UBE2E2: variants seen among roughly 807,000 people sequenced by gnomAD.
UBE2E2 encodes the protein ubiquitin conjugating enzyme E2 E2, also known as ubiquitin-conjugating enzyme E2 E2.
In UBE2E2, 6 loss-of-function variants were observed where a neutral mutation model predicts 24.7. The observed-to-expected ratio is 0.24, with a 90% CI of 0.13 to 0.48. The LOEUF is 0.48. Ranked by LOEUF, UBE2E2 falls within the 20% of genes least tolerant of loss-of-function variation. UBE2E2 has a pLI of 0.99. For synonymous variants in UBE2E2, 104 were observed against 83.6 expected, an observed-to-expected ratio of 1.24 and a Z score of -1.33; for missense variants, 169 against 245.0, an observed-to-expected ratio of 0.69 and a Z score of 2.07.
intron 3 of UBE2E2, among the ~76,000 whole-genome samples, chr3:23,469,633 G>A (rs186494757): frequency 9.9e-5 from 15 of 152,268 alleles, no homozygotes; most frequent in African/African-American, 1.9e-4. Context: ...CAAGTTGACC[G>A]ACAGTTCACT....
Position 23,300,149 on chromosome 3 carries a change from C to T in UBE2E2, c.227+82837C>T, listed in dbSNP as rs531554547. ...TCCATTTGCTTGGTAGATCTTCCTC[C>T]ATCCCTTTGTTTTGAGCCTATGTGT... On this transcript the variant is annotated intron_variant, in intron 3 of 5. Transcript: ENST00000396703. Among the ~76,000 whole-genome samples the T allele has an allele frequency of 4.0e-4, 61 of 152,296 alleles. 2 individuals are homozygous for T. In the South Asian group the frequency reaches 0.012, roughly 31 times the overall value.
intron 3 of UBE2E2, among the ~76,000 whole-genome samples, chr3:23,465,146 C>G (rs1170313384): frequency 6.6e-6 from 1 of 152,140 alleles, no homozygotes; most frequent in East Asian, 1.9e-4. Flanking sequence ...TTCTACATGT[C>G]ATATCATTTA....
intron 3 of UBE2E2, among the ~76,000 whole-genome samples, chr3:23,463,495 A>G (rs1698855935): frequency 6.6e-6 from 1 of 151,984 alleles, no homozygotes; most frequent in Non-Finnish European, 1.5e-5. Flanking sequence ...GAGTAGTCAT[A>G]ACCATTACCC....
chr3:23,380,378 G>A (rs944673969), intron 3 of UBE2E2, among the ~76,000 whole-genome samples: 5 of 152,086 alleles, frequency 3.3e-5, no homozygotes, highest in Non-Finnish European at 7.4e-5. Flanking sequence ...GGCGTGTGCC[G>A]CTATGCCCAG....
chr3:23,285,388 C>A (rs1698593549), intron 3 of UBE2E2, among the ~76,000 whole-genome samples: 1 of 152,134 alleles, frequency 6.6e-6, no homozygotes, highest in Admixed American at 6.5e-5. Flanking sequence ...TTTGGGTATA[C>A]TTAGCAGTGG....
At chr3:23,429,815 G>A (rs953511670) in intron 3 of UBE2E2, among the ~76,000 whole-genome samples, 1 of 152,170 alleles carries the variant, frequency 6.6e-6, no homozygotes, top group Non-Finnish European at 1.5e-5. Flanking sequence ...AGCAATTATA[G>A]CAAAATTGCA....
intron 5 of UBE2E2, among the ~76,000 whole-genome samples, chr3:23,581,238 A>G (rs1006556461): frequency 1.3e-5 from 2 of 151,944 alleles, no homozygotes; most frequent in Admixed American, 1.3e-4. Context: ...TTAAAAATTT[A>G]TGTAGAGGCG....
chr3:23,482,134 G>A (rs1348551231), intron 3 of UBE2E2, among the ~76,000 whole-genome samples: 2 of 152,328 alleles, frequency 1.3e-5, no homozygotes, highest in East Asian at 3.9e-4. Context: ...TAATGTGAAA[G>A]TGCTGTCATA....
At chr3:23,441,368 CAAAAAA>C (rs752204801) in intron 3 of UBE2E2, among the ~76,000 whole-genome samples, 10 of 103,254 alleles carry the variant, frequency 9.7e-5, no homozygotes, top group South Asian at 3.1e-4. Flanking sequence ...ACTAAAAATC[CAAAAAA>C]AAAAAAAAAA....
chr3:23,574,139 A>G (rs1177428369), intron 5 of UBE2E2, among the ~76,000 whole-genome samples: 1 of 152,188 alleles, frequency 6.6e-6, no homozygotes, highest in Admixed American at 6.5e-5. Context: ...CAAGCTTCAC[A>G]TGTTCTCACT....
intron 3 of UBE2E2, among the ~76,000 whole-genome samples, chr3:23,324,481 T>C (rs978030360): frequency 2.0e-5 from 3 of 152,118 alleles, no homozygotes; most frequent in African/African-American, 7.2e-5. Flanking sequence ...CTGCCTTTCC[T>C]CTCTTTCTTT....
intron 3 of UBE2E2, among the ~76,000 whole-genome samples, chr3:23,371,854 A>G (rs1696407969): frequency 6.6e-6 from 1 of 152,154 alleles, no homozygotes; most frequent in African/African-American, 2.4e-5. Flanking sequence ...ACCGTGGCTT[A>G]TGTCTGTAAT....
intron 3 of UBE2E2, among the ~76,000 whole-genome samples, chr3:23,312,106 A>G (rs1472505192): frequency 6.6e-6 from 1 of 150,942 alleles, no homozygotes; most frequent in Non-Finnish European, 1.5e-5. Context: ...TCTTTCTCCT[A>G]CTCATAACAT....
intron 3 of UBE2E2, among the ~76,000 whole-genome samples, chr3:23,461,509 GT>G (rs1698804441): frequency 6.6e-6 from 1 of 151,724 alleles, no homozygotes; most frequent in Non-Finnish European, 1.5e-5. Context: ...AGGAAATTAT[GT>G]TAATAAATTC....
chr3:23,409,516 A>G (rs537270787), intron 3 of UBE2E2, among the ~76,000 whole-genome samples: 6 of 152,248 alleles, frequency 3.9e-5, no homozygotes, highest in East Asian at 3.9e-4. Flanking sequence ...TGTATACCCC[A>G]TATATTTCCC....
At chr3:23,465,555 G>A (rs940133034) in intron 3 of UBE2E2, among the ~76,000 whole-genome samples, 4 of 152,190 alleles carry the variant, frequency 2.6e-5, no homozygotes, top group Non-Finnish European at 5.9e-5. Flanking sequence ...GAGACCACCA[G>A]TGGTTACACA....
chr3:23,582,860 AGTGTGTGT>A (rs58053821), intron 5 of UBE2E2, among the ~76,000 whole-genome samples: 10 of 116,798 alleles, frequency 8.6e-5, no homozygotes, highest in South Asian at 5.9e-4. Flanking sequence ...TATTCTGTTG[AGTGTGTGT>A]GTGTGTGTGT....
At chr3:23,509,254 A>T (rs1407889352) in intron 4 of UBE2E2, among the ~76,000 whole-genome samples, 1 of 152,208 alleles carries the variant, frequency 6.6e-6, no homozygotes, top group African/African-American at 2.4e-5. Flanking sequence ...TCCTAACCTT[A>T]CAGGAAAGGG....
chr3:23,415,767 T>G (rs1697608590), intron 3 of UBE2E2, among the ~76,000 whole-genome samples: 2 of 152,176 alleles, frequency 1.3e-5, no homozygotes, highest in African/African-American at 4.8e-5. Flanking sequence ...TATTATACTT[T>G]AAGTTCCAGG....
Sources: gnomAD v4.1 joint callset for allele counts (sites outside exome capture counted in the v4.1 genomes callset) on GRCh38, gnomAD v4.1.1 for gene constraint, MANE v1.5 for transcripts, NCBI Gene and HGNC (gene_info 2026-07-23, HGNC 2026-07-21) for gene names.